The following SIK2 variants were observed in gnomAD, a reference collection of about 807,000 sequenced individuals.
The protein encoded by SIK2 is serine/threonine-protein kinase SIK2.
A neutral mutation model predicts 103.2 loss-of-function variants in SIK2; 29 were observed. That is an observed-to-expected ratio of 0.28 (90% CI 0.21 to 0.38). The LOEUF (loss-of-function observed/expected upper bound fraction) is 0.38. Among genes scored for constraint, SIK2 ranks in the 10% least tolerant of loss-of-function variants. The probability of loss-of-function intolerance (pLI) is 1.00; values close to 1 mark genes in which losing one functional copy is unlikely to be tolerated. For synonymous variants in SIK2, 412 were observed against 446.1 expected (o/e 0.92, Z 0.96); for missense variants, 879 against 1,171.0 (o/e 0.75, Z 3.64).
intron 8 of SIK2, among the ~76,000 whole-genome samples, chr11:111,711,916 A>G (rs1943507676): frequency 6.6e-6 from 1 of 152,264 alleles, no homozygotes; most frequent in South Asian, 2.1e-4. Flanking sequence ...AACGAGGAAC[A>G]TTCTTGATTC....
At chr11:111,618,849 A>T (rs1359031593) in intron 2 of SIK2, among the ~76,000 whole-genome samples, 1 of 151,970 alleles carries the variant, frequency 6.6e-6, no homozygotes, top group African/African-American at 2.4e-5. Context: ...TCCTGCCTCA[A>T]CCCCTCCCCA....
At chr11:111,715,793 C>CTTTTTTTTTTTTTTTTTTTTTTTT (rs535843069) in intron 9 of SIK2, among the ~76,000 whole-genome samples, 1 of 81,580 alleles carries the variant, frequency 1.2e-5, no homozygotes, top group East Asian at 4.2e-4. Context: ...TCATTTTTAG[C>CTTTTTTTTTTTTTTTTTTTTTTTT]TTTTTTTTTT....
rs1591638648 is a variant in SIK2, at chr11:111,712,211, G to A, written c.1102G>A (p.Ala368Thr). The change falls in exon 9 of 15, where the codon GCA (alanine) becomes ACA (threonine). Residue 368 changes from alanine to threonine, a missense_variant and splice_region_variant. Coordinates refer to ENST00000304987, the MANE Select transcript of SIK2 (RefSeq NM_015191.3). ...CTGTCTGTTCTTGCCATATTTACAG[G>A]CACAGACTGTGGGGCTCCCAGTGAC... is the stretch of plus-strand genomic sequence containing the variant. ...STIAEQTVAK[A>T]QTVGLPVTMH... 8.7e-6 allele frequency: 14 copies of A among 1,614,032 alleles called. No homozygotes were observed. The East Asian group carries it at 2.9e-4, about 33-fold the overall frequency.
intron 4 of SIK2, among the ~76,000 whole-genome samples, chr11:111,691,505 C>G (rs183496821): frequency 6.6e-6 from 1 of 152,288 alleles, no homozygotes; most frequent in East Asian, 1.9e-4. Flanking sequence ...AAACCTAGGT[C>G]TCTCTGACCA....
chr11:111,663,473 G>A (rs142920174), intron 3 of SIK2, among the ~76,000 whole-genome samples: 151 of 152,268 alleles, frequency 9.9e-4, no homozygotes, highest in Middle Eastern at 3.4e-3. Context: ...GGAAGGGACA[G>A]GATATGGTTG....
At chr11:111,663,877 G>T (rs1942500087) in intron 3 of SIK2, among the ~76,000 whole-genome samples, 1 of 152,198 alleles carries the variant, frequency 6.6e-6, no homozygotes, top group Admixed American at 6.5e-5. Context: ...TATTATCACT[G>T]TTTTGCATTT....
At chr11:111,721,517 T>A (rs950688771) in intron 12 of SIK2, among the ~76,000 whole-genome samples, 12 of 152,262 alleles carry the variant, frequency 7.9e-5, no homozygotes, top group African/African-American at 2.9e-4. Flanking sequence ...TACCTGATTT[T>A]ATTTTGAGCC....
chr11:111,724,085 G>A lies in SIK2; in HGVS notation c.2737G>A (p.Asp913Asn). 6.2e-7 allele frequency: 1 copy of A among 1,613,296 alleles called. No individual in the cohort carries two copies. Among genetic ancestry groups the A allele is most frequent in the Non-Finnish European group, 8.5e-7 (1 of 1,180,018 alleles). ...TGGACTCTTTGATTGTGAAATGCTA[G>A]ACGCTGTGGATCCACAACACAACGG... ...LPGLFDCEML[D>N]AVDPQHNGYV... Residue 913 changes from aspartate (D) to asparagine (N), a missense_variant, in exon 15 of 15, where the codon GAC becomes AAC. Around this residue, in one of 7 missense-constraint regions of SIK2, gnomAD observed 375 missense variants for 416.3 expected, o/e 0.90. Transcript: ENST00000304987.
At chr11:111,700,856 T>G (rs1466062660) in intron 4 of SIK2, 30 bp from the exon 5 acceptor site, 1 of 1,612,256 alleles carries the variant, frequency 6.2e-7, no homozygotes, top group Admixed American at 1.7e-5. Context: ...AGAGCATAGA[T>G]GAAAATAACA....
intron 4 of SIK2, among the ~76,000 whole-genome samples, chr11:111,689,536 G>A (rs1942897901): frequency 1.3e-5 from 2 of 152,254 alleles, no homozygotes; most frequent in Admixed American, 6.5e-5. Flanking sequence ...GAGAAAGAGT[G>A]TGGGTTAAAA....
intron 3 of SIK2, among the ~76,000 whole-genome samples, chr11:111,676,169 G>C (rs900845680): frequency 3.9e-5 from 6 of 152,104 alleles, no homozygotes; most frequent in African/African-American, 1.4e-4. Context: ...CCATTTATGG[G>C]CGTCTAGGTT....
At chr11:111,611,988 T>G (rs1215906086) in intron 1 of SIK2, among the ~76,000 whole-genome samples, 2 of 152,176 alleles carry the variant, frequency 1.3e-5, no homozygotes, top group Admixed American at 6.5e-5. Flanking sequence ...CTTTTTTTTT[T>G]GTTGGTAAAA....
intron 9 of SIK2, among the ~76,000 whole-genome samples, chr11:111,717,554 G>A (rs576354576): frequency 3.9e-5 from 6 of 152,062 alleles, no homozygotes; most frequent in Non-Finnish European, 8.8e-5. Flanking sequence ...AGGATCTAGA[G>A]GCAGAAATAC....
Position 111,602,489 on chromosome 11 carries a change from C to T in SIK2, c.-75C>T. 1 of 1,388,336 alleles carries T rather than the reference C, an allele frequency of 7.2e-7. No homozygotes were observed. Among genetic ancestry groups the T allele is most frequent in the Non-Finnish European group, 9.3e-7 (1 of 1,071,794 alleles). The allele number at this position is 1,388,336 out of a possible 1,614,324, so 86.0% of individuals were successfully genotyped here. On this transcript the variant is annotated 5_prime_UTR_variant, in exon 1 of 15. Transcript: ENST00000304987. The surrounding 1 kb of genome is among the most constrained non-coding windows in gnomAD (Gnocchi z 4.5). ...GAAGGAGCAAGCGGAGCGGCCGTCGCCCAAGCCAAGCCGCGCTGCCAACCC... is the reference window on the plus strand; with the variant it reads ...GAAGGAGCAAGCGGAGCGGCCGTCGTCCAAGCCAAGCCGCGCTGCCAACCC...
At chr11:111,603,578 C>T (rs1941612182) in intron 1 of SIK2, among the ~76,000 whole-genome samples, 1 of 152,172 alleles carries the variant, frequency 6.6e-6, no homozygotes, top group Non-Finnish European at 1.5e-5. Flanking sequence ...TACTCTCTCA[C>T]AAGTCTCTGT....
intron 6 of SIK2, 80 bp from the exon 7 acceptor site, chr11:111,703,123 A>C (rs1392020747): frequency 1.2e-5 from 15 of 1,296,790 alleles, no homozygotes; most frequent in East Asian, 1.2e-4. Flanking sequence ...ACACCCTTGT[A>C]CAAAGTCACA....
In SIK2 at chr11:111,616,376, C is replaced by A; in HGVS notation, c.252+17C>A. 1 of 1,341,946 alleles carries A rather than the reference C, an allele frequency of 7.5e-7. No individual in the cohort carries two copies. Among genetic ancestry groups the A allele is most frequent in the Non-Finnish European group, 1.1e-6 (1 of 934,152 alleles). The allele number at this position is 1,341,946 out of a possible 1,614,324, so 83.1% of individuals were successfully genotyped here. ...CTTTATCAGGTATGACTCAGCCTAA[C>A]ACTATCTCCATTCATTCCACAAGAT... On this transcript the variant is annotated intron_variant, in intron 2 of 14. Transcript: ENST00000304987.
intron 3 of SIK2, chr11:111,683,058 T>C (rs746667293): frequency 1.1e-4 from 17 of 152,176 alleles, no homozygotes; most frequent in Non-Finnish European, 1.9e-4. Context: ...AAAATAAACA[T>C]AGGAAACAAG....
chr11:111,675,218 A>G (rs572742888), intron 3 of SIK2, among the ~76,000 whole-genome samples: 8 of 152,334 alleles, frequency 5.3e-5, no homozygotes, highest in African/African-American at 1.9e-4. Flanking sequence ...CTCATGGTAG[A>G]TGATAGAAAC....
Sources: gnomAD v4.1 joint callset for allele counts (sites outside exome capture counted in the v4.1 genomes callset) on GRCh38, gnomAD v4.1.1 for gene constraint, gnomAD v4.1.1 regional missense constraint, Gnocchi (gnomAD v3.1) non-coding constraint, MANE v1.5 for transcripts, NCBI Gene and HGNC (gene_info 2026-07-23, HGNC 2026-07-21) for gene names.